NAV2: variants seen among roughly 807,000 people sequenced by gnomAD.
NAV2 encodes neuron navigator 2, also known as helicase, APC down-regulated 1.
NAV2 carries 54 observed loss-of-function variants against 223.2 expected under a neutral mutation model. That is an observed-to-expected ratio of 0.24 (90% CI 0.19 to 0.30). The LOEUF is 0.30. Among genes scored for constraint, NAV2 ranks in the 10% least tolerant of loss-of-function variants. NAV2 has a pLI of 1.00. For synonymous variants in NAV2, 1,279 were observed against 1,239.3 expected (o/e 1.03, Z -0.67); for missense variants, 2,806 against 3,147.5 (o/e 0.89, Z 2.60).
intron 1 of NAV2, among the ~76,000 whole-genome samples, chr11:19,728,708 C>T (rs1171609275): frequency 2.0e-5 from 3 of 152,200 alleles, no homozygotes; most frequent in East Asian, 3.8e-4. Context: ...CATGTGAGTA[C>T]ACCGTAAATG....
intron 1 of NAV2, among the ~76,000 whole-genome samples, chr11:19,476,162 A>G (rs1176872193): frequency 6.6e-6 from 1 of 152,058 alleles, no homozygotes; most frequent in Non-Finnish European, 1.5e-5. Context: ...TTTAGTAGAG[A>G]CGGGGTTTCA....
At chr11:19,891,980 T>A (rs946376876) in intron 5 of NAV2, among the ~76,000 whole-genome samples, 9 of 152,146 alleles carry the variant, frequency 5.9e-5, no homozygotes, top group Admixed American at 1.3e-4. Flanking sequence ...TTGTTTTGAG[T>A]CAGGGTCCCA....
chr11:19,452,239 T>A (rs1851814701), intron 1 of NAV2, among the ~76,000 whole-genome samples: 1 of 152,004 alleles, frequency 6.6e-6, no homozygotes, highest in Non-Finnish European at 1.5e-5. Context: ...AAAGGCAAAT[T>A]TAAGAGATTG....
intron 12 of NAV2, among the ~76,000 whole-genome samples, chr11:20,041,463 T>C (rs558220634): frequency 6.6e-6 from 1 of 152,308 alleles, no homozygotes; most frequent in South Asian, 2.1e-4. Flanking sequence ...CAATAAATTG[T>C]AGTTGTTATG....
At chr11:19,923,666 G>A (rs1211869917) in intron 6 of NAV2, among the ~76,000 whole-genome samples, 1 of 152,190 alleles carries the variant, frequency 6.6e-6, no homozygotes, top group Non-Finnish European at 1.5e-5. Flanking sequence ...ATTGCATTCT[G>A]CCAAAAAGCT....
At chr11:19,433,472 T>C (rs1056049539) in intron 1 of NAV2, among the ~76,000 whole-genome samples, 41 of 152,366 alleles carry the variant, frequency 2.7e-4, no homozygotes, top group African/African-American at 9.6e-4. Context: ...CTGGTCCTGC[T>C]GACCTGCCTA....
chr11:19,492,456 A>G (rs1451246583), intron 1 of NAV2, among the ~76,000 whole-genome samples: 1 of 151,982 alleles, frequency 6.6e-6, no homozygotes, highest in Non-Finnish European at 1.5e-5. Flanking sequence ...TCGTCTCCTC[A>G]TCCATCTGGC....
intron 1 of NAV2, among the ~76,000 whole-genome samples, chr11:19,496,954 A>G (rs1033727037): frequency 4.6e-5 from 7 of 152,164 alleles, no homozygotes; most frequent in African/African-American, 1.7e-4. Context: ...GTTACCCTGG[A>G]CTTTTACCAT....
intron 1 of NAV2, among the ~76,000 whole-genome samples, chr11:19,393,895 G>GTTTTTTTTTTTTTTTTTTTTTTTTT (rs5790072): frequency 7.3e-6 from 1 of 136,230 alleles, no homozygotes; most frequent in Non-Finnish European, 1.6e-5. Context: ...TAACTTAAGG[G>GTTTTTTTTTTTTTTTTTTTTTTTTT]TTTTTTTTTT....
intron 1 of NAV2, among the ~76,000 whole-genome samples, chr11:19,488,996 G>A (rs1015840290): frequency 2.0e-5 from 3 of 152,202 alleles, no homozygotes; most frequent in Non-Finnish European, 4.4e-5. Flanking sequence ...TGACTCAAAG[G>A]ACATTGGGAA....
upstream of NAV2, among the ~76,000 whole-genome samples, chr11:19,346,648 G>T (rs1291912105): frequency 6.6e-6 from 1 of 152,160 alleles, no homozygotes; most frequent in African/African-American, 2.4e-5. Context: ...AGCACGCTCC[G>T]CTCGCTCGCA....
At chr11:20,023,909 G>T (rs908997347) in intron 11 of NAV2, among the ~76,000 whole-genome samples, 3 of 152,144 alleles carry the variant, frequency 2.0e-5, no homozygotes, top group African/African-American at 7.2e-5. Flanking sequence ...AGCAGACATT[G>T]TGTCATTCAA....
intron 20 of NAV2, among the ~76,000 whole-genome samples, chr11:20,065,638 C>T (rs1401275369): frequency 6.6e-6 from 1 of 152,222 alleles, no homozygotes; most frequent in African/African-American, 2.4e-5. Flanking sequence ...ATACAAAGCA[C>T]ATGCTTTCTC....
At chr11:20,073,518 T>A (rs1156816240) in intron 22 of NAV2, among the ~76,000 whole-genome samples, 3 of 152,226 alleles carry the variant, frequency 2.0e-5, no homozygotes, top group Admixed American at 1.3e-4. Context: ...TGGTACTAGA[T>A]CCTCTTTGTA....
In NAV2 at chr11:19,707,527, G is replaced by A. The variant is rs932864469; in HGVS notation, c.76-124957G>A. ...ATTGTCCCTCTGGAAGGTCTTCAGGGGCAAAAACACATATGGAGCTGTCAT... is the reference window on the plus strand; with the variant it reads ...ATTGTCCCTCTGGAAGGTCTTCAGGAGCAAAAACACATATGGAGCTGTCAT... On this transcript the variant is annotated intron_variant, in intron 1 of 37. Coordinates refer to the NAV2 transcript ENST00000360655. Among the ~76,000 whole-genome samples, 4 of 152,168 alleles carry A rather than the reference G, an allele frequency of 2.6e-5. No homozygotes were observed. In the South Asian group the frequency reaches 8.3e-4, roughly 32 times the overall value.
intron 7 of NAV2, among the ~76,000 whole-genome samples, chr11:19,937,047 A>G (rs1267832550): frequency 2.0e-5 from 3 of 152,202 alleles, no homozygotes; most frequent in Non-Finnish European, 4.4e-5. Context: ...CTGAGGCATG[A>G]GAATCCCTTG....
intron 1 of NAV2, among the ~76,000 whole-genome samples, chr11:19,501,594 C>T (rs1188371871): frequency 2.6e-5 from 4 of 151,970 alleles, no homozygotes; most frequent in Admixed American, 2.6e-4. Context: ...ATTTTATATT[C>T]TTATAAAATC....
intron 1 of NAV2, among the ~76,000 whole-genome samples, chr11:19,553,509 C>CCACACA (rs112504639): frequency 0.39 from 58,185 of 151,104 alleles, 14,308 homozygotes; most frequent in African/African-American, 0.71. Flanking sequence ...GTAATGCAGA[C>CCACACA]CACACACACA....
At chr11:19,441,146 A>T (rs1851385181) in intron 1 of NAV2, among the ~76,000 whole-genome samples, 1 of 152,196 alleles carries the variant, frequency 6.6e-6, no homozygotes, top group Non-Finnish European at 1.5e-5. Flanking sequence ...GGTGGGAAGA[A>T]TGTCTCATGC....
Sources: allele counts gnomAD v4.1 joint callset (sites outside exome capture counted in the v4.1 genomes callset), GRCh38; gene constraint gnomAD v4.1.1; transcripts MANE v1.5; gene names NCBI Gene and HGNC (gene_info 2026-07-23, HGNC 2026-07-21).